CHN1: variants seen among roughly 807,000 people sequenced by gnomAD.
The protein encoded by CHN1 is chimerin 1.
CHN1 carries 37 observed loss-of-function variants against 59.5 expected under a neutral mutation model. The observed-to-expected ratio is 0.62, with a 90% confidence interval of 0.48 to 0.82. The LOEUF is 0.82. Ranked by LOEUF, CHN1 falls within the 40% of genes least tolerant of loss-of-function variation. The pLI, the probability that CHN1 is intolerant of heterozygous loss-of-function variation, is 0.00. For synonymous variants in CHN1, 206 were observed against 200.4 expected, an observed-to-expected ratio of 1.03 and a Z score of -0.24; for missense variants, 469 against 571.0, an observed-to-expected ratio of 0.82 and a Z score of 1.82.
intron 1 of CHN1, among the ~76,000 whole-genome samples, chr2:174,974,771 A>T (rs978124961): frequency 6.6e-6 from 1 of 152,168 alleles, no homozygotes; most frequent in Non-Finnish European, 1.5e-5. Flanking sequence ...ACACACAACC[A>T]TGAGATTGGT....
rs542672963 is a variant in CHN1 at position 174,868,255 on chromosome 2, A to G, written c.549+9585T>C. On this transcript the variant is annotated intron_variant, in intron 6 of 12. Transcript: ENST00000409900. Reference sequence around the variant, plus strand: ...ACAAATATCACCTACACATGTTGGCATAACATGATGAGTTAGTCAGTGCAA... The same window carrying G: ...ACAAATATCACCTACACATGTTGGCGTAACATGATGAGTTAGTCAGTGCAA... Among the ~76,000 whole-genome samples, 274 of 152,366 alleles carry G rather than the reference A, an allele frequency of 1.8e-3. 1 individual carries two copies. The highest frequency in any genetic ancestry group is 3.5e-3 in the Admixed American group (54 of 15,306).
intron 6 of CHN1, chr2:174,875,798 C>T: frequency 1.0e-6 from 1 of 984,578 alleles, no homozygotes; most frequent in Non-Finnish European, 1.2e-6. Context: ...AAATGTCATC[C>T]ATTGTGACAG....
chr2:174,807,674 AT>A (rs1684943306), intron 11 of CHN1, among the ~76,000 whole-genome samples: 1 of 152,154 alleles, frequency 6.6e-6, no homozygotes, highest in African/African-American at 2.4e-5. Flanking sequence ...TTTGAAAGAA[AT>A]CAGTGTAATT....
At chr2:175,000,137 ATT>A (rs71031080) in intron 1 of CHN1, among the ~76,000 whole-genome samples, 1,205 of 111,936 alleles carry the variant, frequency 0.011, 1 homozygote, top group Middle Eastern at 0.045. Flanking sequence ...CACCTGGCTA[ATT>A]TTTTTTTTTT....
intron 3 of CHN1, among the ~76,000 whole-genome samples, chr2:174,938,048 T>A (rs1340258666): frequency 6.6e-6 from 1 of 152,070 alleles, no homozygotes; most frequent in Non-Finnish European, 1.5e-5. Flanking sequence ...AAAATTTTTT[T>A]AAGAGACAGG....
chr2:174,997,107 G>C (rs567919894), intron 1 of CHN1, among the ~76,000 whole-genome samples: 1 of 152,100 alleles, frequency 6.6e-6, no homozygotes, highest in African/African-American at 2.4e-5. Context: ...TACATACTTC[G>C]CACATATTAG....
intron 6 of CHN1, among the ~76,000 whole-genome samples, chr2:174,862,735 T>C (rs934914449): frequency 3.3e-5 from 5 of 152,150 alleles, no homozygotes; most frequent in African/African-American, 1.2e-4. Context: ...ATTTAGAGTT[T>C]TACACTTCCA....
chr2:174,987,396 ACT>A (rs1259098017), intron 1 of CHN1, among the ~76,000 whole-genome samples: 2 of 149,936 alleles, frequency 1.3e-5, no homozygotes, highest in African/African-American at 4.9e-5. Context: ...TGGTCATAAT[ACT>A]CTTTTTTCTT....
chr2:174,912,512 AG>A (rs1688733160), intron 5 of CHN1, among the ~76,000 whole-genome samples: 3 of 152,214 alleles, frequency 2.0e-5, no homozygotes, highest in Admixed American at 2.0e-4. Flanking sequence ...ATCAAGTTCA[AG>A]GACTTATTCC....
chr2:174,921,595 G>A (rs1290726931), intron 3 of CHN1, among the ~76,000 whole-genome samples: 3 of 151,874 alleles, frequency 2.0e-5, no homozygotes, highest in South Asian at 2.1e-4. Context: ...AAAGGCATAC[G>A]TGATGAAACT....
chr2:174,836,820 G>C (rs373452940), intron 7 of CHN1, among the ~76,000 whole-genome samples: 4 of 152,264 alleles, frequency 2.6e-5, no homozygotes, highest in African/African-American at 9.6e-5. Flanking sequence ...GATATAATTG[G>C]TCAATGACTG....
At chr2:174,874,082 T>C (rs1687486974) in intron 6 of CHN1, among the ~76,000 whole-genome samples, 1 of 152,218 alleles carries the variant, frequency 6.6e-6, no homozygotes, top group African/African-American at 2.4e-5. Flanking sequence ...ATAGCTTATA[T>C]TATTAACAAT....
chr2:174,821,140 A>G (rs1558937999), intron 8 of CHN1, among the ~76,000 whole-genome samples: 2 of 152,158 alleles, frequency 1.3e-5, no homozygotes, highest in Non-Finnish European at 2.9e-5. Flanking sequence ...AGCATATATT[A>G]TCTTAAATTC....
intron 6 of CHN1, among the ~76,000 whole-genome samples, chr2:174,847,962 C>T (rs1193358945): frequency 2.6e-5 from 4 of 151,978 alleles, no homozygotes; most frequent in Admixed American, 6.6e-5. Flanking sequence ...TAATCTGTAT[C>T]CTTTGCTCAT....
intron 5 of CHN1, among the ~76,000 whole-genome samples, chr2:174,879,465 T>A (rs1687669646): frequency 6.6e-6 from 1 of 152,216 alleles, no homozygotes; most frequent in Admixed American, 6.5e-5. Context: ...TACACTTAAG[T>A]GAACTATCCA....
intron 1 of CHN1, among the ~76,000 whole-genome samples, chr2:174,999,897 C>G (rs971979791): frequency 6.6e-6 from 1 of 152,166 alleles, no homozygotes; most frequent in African/African-American, 2.4e-5. Flanking sequence ...TTATACATAT[C>G]ACTGTCTTCT....
chr2:174,992,737 C>A (rs1691582114), intron 1 of CHN1, among the ~76,000 whole-genome samples: 1 of 152,206 alleles, frequency 6.6e-6, no homozygotes, highest in South Asian at 2.1e-4. Context: ...GCCTGCATAG[C>A]CCAGTTTTAC....
At chr2:174,982,035 G>A (rs1435068136) in intron 1 of CHN1, among the ~76,000 whole-genome samples, 1 of 152,140 alleles carries the variant, frequency 6.6e-6, no homozygotes, top group Non-Finnish European at 1.5e-5. Flanking sequence ...CTATGAGTGA[G>A]AACACGCGGT....
chr2:174,909,982 G>T (rs1272963204), intron 5 of CHN1, among the ~76,000 whole-genome samples: 1 of 152,150 alleles, frequency 6.6e-6, no homozygotes, highest in East Asian at 1.9e-4. Context: ...CTAGAACTCA[G>T]GTTTGTCTAA....
Sources: allele counts gnomAD v4.1 joint callset (sites outside exome capture counted in the v4.1 genomes callset), GRCh38; gene constraint gnomAD v4.1.1; transcripts MANE v1.5; gene names NCBI Gene and HGNC (gene_info 2026-07-23, HGNC 2026-07-21).